Variants in MAP3K15 observed in about 807,000 individuals in gnomAD.
MAP3K15 encodes the protein MAPK/ERK kinase kinase 15.
A neutral mutation model predicts 99.5 loss-of-function variants in MAP3K15; 124 were observed. The observed-to-expected ratio is 1.25, with a 90% confidence interval of 1.08 to 1.45. The LOEUF is 1.45. MAP3K15 is among the 40% of genes most tolerant of loss of function. The pLI, the probability that MAP3K15 is intolerant of heterozygous loss-of-function variation, is 0.00. For synonymous variants in MAP3K15, 494 were observed against 439.6 expected, an observed-to-expected ratio of 1.12 and a Z score of -1.55; for missense variants, 1,242 against 1,079.7, an observed-to-expected ratio of 1.15 and a Z score of -2.11.
At chrX:19,457,060 C>T (rs989235735) in intron 5 of MAP3K15, 41 bp from the exon 6 acceptor site, 1 of 943,017 alleles carries the variant, frequency 1.1e-6, no homozygotes, top group Non-Finnish European at 1.5e-6. Context: ...AGAGGAAACA[C>T]AGCTCTTCAC....
chrX:19,467,828 C>T (rs1315543888), intron 3 of MAP3K15, among the ~76,000 whole-genome samples: 1 of 109,977 alleles, frequency 9.1e-6, no homozygotes, highest in African/African-American at 3.3e-5. Context: ...GACTCCGTCT[C>T]AAAACAAAAC....
intron 6 of MAP3K15, among the ~76,000 whole-genome samples, chrX:19,455,991 G>A (rs538212610): frequency 6.3e-5 from 7 of 110,961 alleles, no homozygotes; most frequent in East Asian, 5.7e-4. Context: ...AAGACTGGCC[G>A]TCATTCACAA....
intron 4 of MAP3K15, among the ~76,000 whole-genome samples, chrX:19,461,456 C>T (rs771762423): frequency 1.8e-5 from 2 of 112,275 alleles, no homozygotes; most frequent in Non-Finnish European, 3.8e-5. Flanking sequence ...TAGATAAGCA[C>T]GAGGAAGCTT....
At chrX:19,505,969 G>A (rs998900034) in intron 1 of MAP3K15, among the ~76,000 whole-genome samples, 7 of 110,154 alleles carry the variant, frequency 6.4e-5, no homozygotes, top group Non-Finnish European at 1.9e-5. Flanking sequence ...TTTCACTCTC[G>A]TTGCTCAGGC....
intron 1 of MAP3K15, among the ~76,000 whole-genome samples, chrX:19,509,763 T>G (rs2064505246): frequency 9.1e-6 from 1 of 110,279 alleles, no homozygotes; most frequent in Non-Finnish European, 1.9e-5. Context: ...CTGAAGGAAA[T>G]AGAGACATGA....
At chrX:19,436,890 G>A (rs915691649) in intron 6 of MAP3K15, among the ~76,000 whole-genome samples, 6 of 111,327 alleles carry the variant, frequency 5.4e-5, no homozygotes, top group African/African-American at 2.0e-4. Flanking sequence ...GATGACCAGG[G>A]TGGTCTTGAA....
chrX:19,433,576 G>A (rs1390842520), intron 6 of MAP3K15, among the ~76,000 whole-genome samples: 1 of 110,441 alleles, frequency 9.1e-6, no homozygotes, highest in African/African-American at 3.3e-5. Context: ...GCTTGCATGG[G>A]ACTTGCCAGC....
Position 19,405,047 on chromosome X carries a change from G to C in MAP3K15, c.1844+2141C>G, listed in dbSNP as rs150496143. ...CATCCAAATTAAAAACTTTCGTGCTGCAAGTGATACCATCGAGAGAGTGAA... is the reference window on the plus strand; with the variant it reads ...CATCCAAATTAAAAACTTTCGTGCTCCAAGTGATACCATCGAGAGAGTGAA... On this transcript the variant is annotated intron_variant, in intron 13 of 28. Transcript: ENST00000338883. Among the ~76,000 whole-genome samples the C allele has an allele frequency of 2.8e-3, 304 of 109,960 alleles. No individual in the cohort carries two copies. In the Middle Eastern group the frequency reaches 0.028, roughly 10 times the overall value.
At chrX:19,411,400 C>T (rs972443820) in intron 11 of MAP3K15, among the ~76,000 whole-genome samples, 14 of 112,105 alleles carry the variant, frequency 1.2e-4, no homozygotes, top group African/African-American at 4.5e-4. Context: ...TTTAGTCATA[C>T]GTGTTGATCA....
At chrX:19,364,969 C>T (rs908920627) in intron 25 of MAP3K15, among the ~76,000 whole-genome samples, 1 of 107,801 alleles carries the variant, frequency 9.3e-6, no homozygotes, top group African/African-American at 3.5e-5. Flanking sequence ...TTTGGGAGGT[C>T]AAGGCGGGAG....
At position 19,459,974 on chromosome X, in the gene MAP3K15, G is replaced by A. The variant is rs1303698822; in HGVS notation, c.888+11C>T. 8.8e-7 allele frequency: 1 copy of A among 1,130,385 alleles called. No individual in the cohort carries two copies. Among genetic ancestry groups the A allele is most frequent in the East Asian group, 3.2e-5 (1 of 31,351 alleles). 93.2% of individuals were successfully genotyped at this position (1,130,385 alleles called of 1,213,427 possible). A position where few individuals can be genotyped will look rare whatever the true frequency, so the allele number is the denominator to read the frequency against. On this transcript the variant is annotated intron_variant, in intron 5 of 28. Transcript: ENST00000338883. ...TAGCATACGTGAGCCTCGGCTAGGT[G>A]GATTTCATACCTGGATATCACGGTA...
At chrX:19,509,323 C>T (rs749660083) in intron 1 of MAP3K15, among the ~76,000 whole-genome samples, 2 of 111,755 alleles carry the variant, frequency 1.8e-5, no homozygotes, top group South Asian at 3.8e-4. Flanking sequence ...AGCACTTATT[C>T]TAAAATCGAC....
At chrX:19,480,059 A>G (rs1217004490) in intron 3 of MAP3K15, among the ~76,000 whole-genome samples, 7 of 112,420 alleles carry the variant, frequency 6.2e-5, no homozygotes, top group Non-Finnish European at 1.3e-4. Flanking sequence ...TAAAATACAC[A>G]GGAGTAAGTG....
At chrX:19,419,927 T>C (rs1332790874) in intron 9 of MAP3K15, among the ~76,000 whole-genome samples, 1 of 111,807 alleles carries the variant, frequency 8.9e-6, no homozygotes, top group Non-Finnish European at 1.9e-5. Context: ...AACAACCTAC[T>C]CCTGAATGAC....
At chrX:19,447,902 AAAAG>A (rs1178139948) in intron 6 of MAP3K15, among the ~76,000 whole-genome samples, 2 of 94,381 alleles carry the variant, frequency 2.1e-5, no homozygotes, top group African/African-American at 7.7e-5. Flanking sequence ...AAAAAAAAAA[AAAAG>A]AAACCCACGA....
chrX:19,415,921 G>C (rs902562503), intron 9 of MAP3K15, among the ~76,000 whole-genome samples: 1 of 111,885 alleles, frequency 8.9e-6, no homozygotes, highest in East Asian at 2.8e-4. Context: ...TAAAGATGTG[G>C]TATTATATCA....
chrX:19,498,092 C>T (rs1319670980), intron 1 of MAP3K15, among the ~76,000 whole-genome samples: 1 of 109,382 alleles, frequency 9.1e-6, no homozygotes, highest in East Asian at 2.8e-4. Context: ...GTATACTGAT[C>T]GATACCATTA....
chrX:19,432,331 A>G (rs1323048847), intron 6 of MAP3K15, among the ~76,000 whole-genome samples: 2 of 111,028 alleles, frequency 1.8e-5, no homozygotes, highest in Non-Finnish European at 3.8e-5. Context: ...TGGGAGGCCA[A>G]GGCGGGTGGA....
chrX:19,410,630 T>A (rs973670673), intron 11 of MAP3K15, among the ~76,000 whole-genome samples: 5 of 111,759 alleles, frequency 4.5e-5, no homozygotes, highest in Admixed American at 9.5e-5. Flanking sequence ...TAAACTTTTA[T>A]CATGTTAAGA....
Sources: allele counts gnomAD v4.1 joint callset (sites outside exome capture counted in the v4.1 genomes callset), GRCh38; gene constraint gnomAD v4.1.1; transcripts MANE v1.5; gene names NCBI Gene and HGNC (gene_info 2026-07-23, HGNC 2026-07-21).